Variants in NIM1K observed in about 807,000 individuals in gnomAD.
NIM1K encodes serine/threonine-protein kinase NIM1.
NIM1K carries 35 observed loss-of-function variants against 37.1 expected under a neutral mutation model. The observed-to-expected ratio is 0.94, with a 90% confidence interval of 0.72 to 1.25. The LOEUF (loss-of-function observed/expected upper bound fraction) is 1.25, where lower values mean the gene tolerates loss of function less well. NIM1K is among the 50% of genes most tolerant of loss of function. The pLI is 0.00. For synonymous variants in NIM1K, 234 were observed against 206.6 expected, an observed-to-expected ratio of 1.13 and a Z score of -1.14; for missense variants, 564 against 548.0, an observed-to-expected ratio of 1.03 and a Z score of -0.29.
intron 2 of NIM1K, among the ~76,000 whole-genome samples, chr5:43,253,212 A>ATGTG (rs10603525): frequency 0.013 from 1,742 of 131,712 alleles, 30 homozygotes; most frequent in South Asian, 0.052. Context: ...AATATAATAT[A>ATGTG]TGTGTGTGTG....
At chr5:43,249,290 C>T (rs951004035) in intron 2 of NIM1K, among the ~76,000 whole-genome samples, 9 of 151,892 alleles carry the variant, frequency 5.9e-5, no homozygotes, top group Non-Finnish European at 1.0e-4. Flanking sequence ...GGGATGGTCT[C>T]GATTTCCTGA....
At chr5:43,257,362 CTTTT>C (rs36108441) in intron 2 of NIM1K, among the ~76,000 whole-genome samples, 3 of 58,796 alleles carry the variant, frequency 5.1e-5, no homozygotes, top group African/African-American at 6.7e-5. Context: ...TAAAGTGACT[CTTTT>C]TTTTTTTTTT....
At chr5:43,240,555 T>A (rs1204170872) in intron 1 of NIM1K, among the ~76,000 whole-genome samples, 1 of 151,174 alleles carries the variant, frequency 6.6e-6, no homozygotes, top group African/African-American at 2.4e-5. Context: ...CTTTTTTTTT[T>A]TTTTTTGAGA....
At chr5:43,263,014 A>G (rs1276120665) in intron 2 of NIM1K, among the ~76,000 whole-genome samples, 1 of 152,164 alleles carries the variant, frequency 6.6e-6, no homozygotes, top group African/African-American at 2.4e-5. Context: ...TCAGTTTGCC[A>G]GTATTTTATT....
At chr5:43,239,902 G>A (rs1752675272) in intron 1 of NIM1K, among the ~76,000 whole-genome samples, 1 of 151,944 alleles carries the variant, frequency 6.6e-6, no homozygotes, top group Non-Finnish European at 1.5e-5. Context: ...AATTCTCCAT[G>A]TTTCACCAGA....
intron 1 of NIM1K, among the ~76,000 whole-genome samples, chr5:43,216,765 G>A (rs1475985773): frequency 6.6e-6 from 1 of 152,184 alleles, no homozygotes; most frequent in African/African-American, 2.4e-5. Context: ...GATAGTTGTT[G>A]AGAATGTAAG....
chr5:43,213,253 G>C (rs6451679), intron 1 of NIM1K, among the ~76,000 whole-genome samples: 3 of 140,524 alleles, frequency 2.1e-5, no homozygotes, highest in East Asian at 2.0e-4. Flanking sequence ...TTTCTTTCTT[G>C]TTCTTTCTTG....
intron 2 of NIM1K, among the ~76,000 whole-genome samples, chr5:43,272,035 T>C (rs532393373): frequency 6.6e-6 from 1 of 152,336 alleles, no homozygotes; most frequent in African/African-American, 2.4e-5. Flanking sequence ...ATTCCACGTA[T>C]GAAGGTACCA....
intron 3 of NIM1K, 140 bp downstream of exon 3, chr5:43,277,465 G>A (rs1753363118): frequency 1.1e-6 from 1 of 880,134 alleles, no homozygotes; most frequent in Non-Finnish European, 1.7e-6. Flanking sequence ...AGAGTCAGAA[G>A]TCTGGCTGGG....
At position 43,280,087 on chromosome 5, in the gene NIM1K, A is replaced by AT; in HGVS notation, c.669_670insT (p.Gly224TrpfsTer2). ...TTGGATTCAGCACAGTAAGCAAAAAAGGTGAAATGCTGAACACTTTCTGTG... is the reference window on the plus strand; with the variant it reads ...TTGGATTCAGCACAGTAAGCAAAAAATGGTGAAATGCTGAACACTTTCTGTG... On this transcript the variant is annotated frameshift_variant, in exon 4 of 4. Transcript: ENST00000326035. LOFTEE classifies it high-confidence loss of function. 6.2e-7 allele frequency: 1 copy of AT among 1,614,202 alleles called. No individual in the cohort carries two copies. The highest frequency in any genetic ancestry group is 8.5e-7 in the Non-Finnish European group (1 of 1,180,028).
intron 1 of NIM1K, among the ~76,000 whole-genome samples, chr5:43,217,459 CAAA>C (rs35739990): frequency 2.2e-4 from 21 of 93,704 alleles, no homozygotes; most frequent in Admixed American, 3.5e-4. Context: ...TGTGGACATG[CAAA>C]AAAAAAAAAA....
chr5:43,262,095 C>CT (rs1561090958), intron 2 of NIM1K, among the ~76,000 whole-genome samples: 1 of 152,108 alleles, frequency 6.6e-6, no homozygotes, highest in Admixed American at 6.5e-5. Context: ...AATGTGGGCT[C>CT]TTTTTTGGTT....
chr5:43,200,470 T>C (rs1752001419), intron 1 of NIM1K, among the ~76,000 whole-genome samples: 1 of 151,888 alleles, frequency 6.6e-6, no homozygotes, highest in South Asian at 2.1e-4. Context: ...CCGGCTACTT[T>C]TTTGTATTTT....
At chr5:43,255,490 C>T (rs990208228) in intron 2 of NIM1K, among the ~76,000 whole-genome samples, 1 of 152,150 alleles carries the variant, frequency 6.6e-6, no homozygotes, top group African/African-American at 2.4e-5. Flanking sequence ...GTCGGTCACG[C>T]CTGTAATCCC....
chr5:43,242,285 G>A (rs1346387929), intron 1 of NIM1K, among the ~76,000 whole-genome samples: 1 of 151,870 alleles, frequency 6.6e-6, no homozygotes, highest in Non-Finnish European at 1.5e-5. Flanking sequence ...TAAATCCCAG[G>A]GCCTGAATAG....
chr5:43,226,729 T>C (rs556713808), intron 1 of NIM1K, among the ~76,000 whole-genome samples: 114 of 152,298 alleles, frequency 7.5e-4, no homozygotes, highest in African/African-American at 2.1e-3. Context: ...AGTGGGTGGA[T>C]GAACCCCTCA....
intron 1 of NIM1K, among the ~76,000 whole-genome samples, chr5:43,233,374 C>G (rs1752570908): frequency 6.6e-6 from 1 of 151,702 alleles, no homozygotes. Context: ...TCACTTACCT[C>G]CAGTGCTGGG....
At chr5:43,209,183 A>T (rs941765347) in intron 1 of NIM1K, among the ~76,000 whole-genome samples, 1 of 152,178 alleles carries the variant, frequency 6.6e-6, no homozygotes, top group Admixed American at 6.5e-5. Flanking sequence ...GGAAAACCAT[A>T]ATCAGGTTGT....
At chr5:43,251,420 T>C (rs531687879) in intron 2 of NIM1K, among the ~76,000 whole-genome samples, 1 of 152,206 alleles carries the variant, frequency 6.6e-6, no homozygotes, top group Non-Finnish European at 1.5e-5. Context: ...CTCATGAGTC[T>C]TAAAGGTTCC....
Sources: allele counts gnomAD v4.1 joint callset (sites outside exome capture counted in the v4.1 genomes callset), GRCh38; gene constraint gnomAD v4.1.1; transcripts MANE v1.5; gene names NCBI Gene and HGNC (gene_info 2026-07-23, HGNC 2026-07-21).